Variants in COL4A4 observed in about 807,000 individuals in gnomAD.
The protein encoded by COL4A4 is collagen type IV alpha 4 chain, also known as collagen alpha-4(IV) chain.
Under a neutral mutation model 192.9 loss-of-function variants are expected in COL4A4, and 105 were observed. That is an observed-to-expected ratio of 0.54 (90% CI 0.46 to 0.64). The LOEUF is 0.64. COL4A4 is among the 30% of genes least tolerant of loss of function. COL4A4 has a pLI of 0.00. For synonymous variants in COL4A4, 762 were observed against 769.9 expected, an observed-to-expected ratio of 0.99 and a Z score of 0.17; for missense variants, 1,967 against 2,169.3, an observed-to-expected ratio of 0.91 and a Z score of 1.85.
At chr2:226,975,114 A>G in the COL4A4 span, among the ~76,000 whole-genome samples, 2 of 152,194 alleles carry the variant, frequency 1.3e-5, no homozygotes, top group Admixed American at 1.3e-4. Flanking sequence ...TTTCTAATAT[A>G]AAATCTTTCA....
chr2:227,120,936 A>T, intron 5 of COL4A4, 78 bp downstream of exon 5: 1 of 1,574,492 alleles, frequency 6.4e-7, no homozygotes. Flanking sequence ...AAGACTGTCT[A>T]AAAAAAACAA....
chr2:227,028,025 A>T lies in COL4A4; in HGVS notation c.3974-16T>A. The T allele has an allele frequency of 1.3e-6, 2 of 1,545,800 alleles. No individual in the cohort carries two copies. The highest frequency in any genetic ancestry group is 1.8e-6 in the Non-Finnish European group (2 of 1,126,158). ...CCCACTGGTCCTTAAAAAAAAACAA[A>T]ACATAAAAATGAGGGCACTGGAATG... On this transcript the variant is annotated splice_polypyrimidine_tract_variant and intron_variant, in intron 41 of 47. Transcript: ENST00000396625.
rs1400549906 is a variant in COL4A4, at chr2:227,094,292, G to T, written c.1205-3C>A. ...TGGCCCAGGGGGTCCTATCATGCCT[G>T]CAAGATAAATCAAGAATGAAAATTA... On this transcript the variant is annotated splice_polypyrimidine_tract_variant and splice_region_variant and intron_variant, in intron 19 of 47. Transcript: ENST00000396625. 6.2e-7 allele frequency: 1 copy of T among 1,613,046 alleles called. No individual in the cohort carries two copies. Among genetic ancestry groups the T allele is most frequent in the Non-Finnish European group, 8.5e-7 (1 of 1,179,610 alleles).
chr2:227,036,817 G>A (rs943850683), intron 37 of COL4A4, among the ~76,000 whole-genome samples: 2 of 152,078 alleles, frequency 1.3e-5, no homozygotes, highest in African/African-American at 4.8e-5. Context: ...AAAGCGGGGG[G>A]AGAATATTTC....
rs1357401968 is a variant in COL4A4, at chr2:227,059,424, C to T, written c.2364G>A (p.Pro788=). 15 of 1,614,164 alleles carry T rather than the reference C, an allele frequency of 9.3e-6. No homozygotes were observed. Among genetic ancestry groups the T allele is most frequent in the Middle Eastern group, 1.7e-4 (1 of 6,044 alleles). Reference sequence around the variant, plus strand: ...TCATACCTTCAGCCCCTGGACATCCCGGATCACCTCTGGGTCCTTTTATCC... The same window carrying T: ...TCATACCTTCAGCCCCTGGACATCCTGGATCACCTCTGGGTCCTTTTATCC... ...VPGIKGPRGD[P]GCPGAEGPAG... Residue 788 remains proline (P), a synonymous_variant, in exon 28 of 48, where the codon CCG becomes CCA. Transcript: ENST00000396625.
intron 37 of COL4A4, among the ~76,000 whole-genome samples, chr2:227,038,656 G>A (rs540899734): frequency 1.3e-5 from 2 of 152,304 alleles, no homozygotes; most frequent in South Asian, 4.1e-4. Context: ...TTAAGTTAAA[G>A]TTTAAATCTG....
the COL4A4 span, among the ~76,000 whole-genome samples, chr2:226,968,734 T>C: frequency 6.6e-6 from 1 of 152,022 alleles, no homozygotes; most frequent in Non-Finnish European, 1.5e-5. Flanking sequence ...CTAGAGGGGG[T>C]GACTATTAAA....
At position 227,138,801 on chromosome 2, in the gene COL4A4, C is replaced by T. The variant is rs150207017; in HGVS notation, c.192+1360G>A. Among the ~76,000 whole-genome samples, 4 of 152,264 alleles carry T rather than the reference C, an allele frequency of 2.6e-5. No individual in the cohort carries two copies. The East Asian group carries it at 7.7e-4, about 29-fold the overall frequency. On this transcript the variant is annotated intron_variant, in intron 4 of 47. Coordinates refer to ENST00000396625, the MANE Select transcript of COL4A4 (RefSeq NM_000092.5). ...TAGGCCAACAAAGGAACCCATTGCA[C>T]ACCTGCTGTGTAAAGATGAAGCAAT...
chr2:227,077,622 C>T (rs570090706), intron 25 of COL4A4, among the ~76,000 whole-genome samples: 1 of 151,710 alleles, frequency 6.6e-6, no homozygotes, highest in African/African-American at 2.4e-5. Context: ...TGTAACAAAC[C>T]TGCTCATTCT....
At chr2:226,986,015 T>C in the COL4A4 span, among the ~76,000 whole-genome samples, 103 of 152,246 alleles carry the variant, frequency 6.8e-4, no homozygotes, top group Non-Finnish European at 1.4e-3. Flanking sequence ...CAGTGATAAG[T>C]CATGTTGACA....
At chr2:227,050,227 G>A in intron 33 of COL4A4, 96 bp from the exon 34 acceptor site, 2 of 1,226,912 alleles carry the variant, frequency 1.6e-6, no homozygotes, top group South Asian at 2.4e-5. Flanking sequence ...TAACTAATTT[G>A]GTTTTTGTAA....
intron 3 of COL4A4, among the ~76,000 whole-genome samples, chr2:227,142,610 A>T (rs1189763418): frequency 6.6e-6 from 1 of 152,104 alleles, no homozygotes; most frequent in Non-Finnish European, 1.5e-5. Context: ...CAAAAAAATT[A>T]GCCAGATGTG....
chr2:227,139,457 G>A (rs1445538447), intron 4 of COL4A4, among the ~76,000 whole-genome samples: 2 of 152,150 alleles, frequency 1.3e-5, no homozygotes, highest in Non-Finnish European at 2.9e-5. Flanking sequence ...GAACATGGGG[G>A]AGACATTAAC....
chr2:227,062,748 T>C, intron 25 of COL4A4, 150 bp from the exon 26 acceptor site: 1 of 669,370 alleles, frequency 1.5e-6, no homozygotes, highest in Non-Finnish European at 2.7e-6. Flanking sequence ...ATTAGATCAC[T>C]TAAGCTGCTT....
Position 227,136,898 on chromosome 2 carries a change from T to G in COL4A4, c.192+3263A>C, listed in dbSNP as rs146176204. Among the ~76,000 whole-genome samples, 480 of 121,552 alleles carry G rather than the reference T, an allele frequency of 3.9e-3. 1 individual carries two copies. The highest frequency in any genetic ancestry group is 0.016 in the African/African-American group (462 of 29,002). The allele number at this position is 121,552 out of a possible 152,430, so 79.7% of individuals were successfully genotyped here. The stretch of plus-strand genomic sequence containing the variant: ...ATTTGGTGTGTTCCTATTCTGATAG[T>G]CCCCCGTGAGCTGTCACTGCAGCTC... On this transcript the variant is annotated intron_variant, in intron 4 of 47. Coordinates refer to ENST00000396625, the MANE Select transcript of COL4A4 (RefSeq NM_000092.5).
At position 227,060,141 on chromosome 2, in the gene COL4A4, G is replaced by A. The variant is rs749186337; in HGVS notation, c.2159C>T (p.Pro720Leu). ...AAAAAAAAAACCTCACTGACCAGGT[G>A]GACCTGGTATTTCCGCTGTTCCTGG... ...GTPGTAEIPG[P>L]PGFRGDMGDP... is the part of the protein sequence containing the mutation. Residue 720 changes from proline (P) to leucine (L), a missense_variant, in exon 27 of 48, where the codon CCA becomes CTA. Pro to Leu is a moderately conservative substitution (Grantham distance 98). Transcript: ENST00000396625. 9.7e-6 allele frequency: 12 copies of A among 1,239,556 alleles called. No homozygotes were observed. The highest frequency in any genetic ancestry group is 1.4e-5 in the Non-Finnish European group (12 of 866,584). 76.8% of individuals were successfully genotyped at this position (1,239,556 alleles called of 1,614,324 possible).
Position 227,128,442 on chromosome 2 carries a change from T to C in COL4A4, c.193-7294A>G, listed in dbSNP as rs555668764. 1.6e-4 allele frequency among the ~76,000 whole-genome samples: 24 copies of C among 152,342 alleles called. No individual in the cohort carries two copies. In the South Asian group the frequency reaches 3.7e-3, roughly 24 times the overall value. On this transcript the variant is annotated intron_variant, in intron 4 of 47. Transcript: ENST00000396625. ...AATTTAACTTTCTGGTCCTATCCTATATCCCCAACTGTTTTCTAGAAACTT... is the reference window on the plus strand; with the variant it reads ...AATTTAACTTTCTGGTCCTATCCTACATCCCCAACTGTTTTCTAGAAACTT...
At chr2:227,081,102 A>C (rs1242720932) in intron 23 of COL4A4, among the ~76,000 whole-genome samples, 1 of 152,124 alleles carries the variant, frequency 6.6e-6, no homozygotes, top group Admixed American at 6.6e-5. Context: ...CCCAATGCCA[A>C]CCTGTGATGG....
intron 8 of COL4A4, among the ~76,000 whole-genome samples, chr2:227,113,085 A>G (rs982945463): frequency 2.6e-5 from 4 of 152,188 alleles, no homozygotes; most frequent in African/African-American, 9.7e-5. Context: ...CCAGAAGTGG[A>G]ATTGCTGGAT....
Sources: allele counts gnomAD v4.1 joint callset (sites outside exome capture counted in the v4.1 genomes callset), GRCh38; gene constraint gnomAD v4.1.1; transcripts MANE v1.5; gene names NCBI Gene and HGNC (gene_info 2026-07-23, HGNC 2026-07-21).